Variants in SEMA6A observed in about 807,000 individuals in gnomAD.
SEMA6A encodes semaphorin-6A.
A neutral mutation model predicts 96.8 loss-of-function variants in SEMA6A; 25 were observed. That is an observed-to-expected ratio of 0.26 (90% CI 0.19 to 0.36). SEMA6A has a LOEUF of 0.36. SEMA6A is among the 10% of genes least tolerant of loss of function. SEMA6A has a pLI of 1.00. For synonymous variants in SEMA6A, 612 were observed against 518.0 expected, an observed-to-expected ratio of 1.18 and a Z score of -2.46; for missense variants, 1,363 against 1,323.1, an observed-to-expected ratio of 1.03 and a Z score of -0.47.
chr5:116,462,246 G>C (rs1208454974), intron 18 of SEMA6A, among the ~76,000 whole-genome samples: 1 of 152,150 alleles, frequency 6.6e-6, no homozygotes, highest in Non-Finnish European at 1.5e-5. Context: ...AGATTTCTCA[G>C]TCTGTTAATA....
intron 17 of SEMA6A, chr5:116,468,055 T>C (rs939765322): frequency 6.4e-4 from 216 of 337,424 alleles, no homozygotes; most frequent in Admixed American, 1.1e-3. Context: ...AAGATACCTC[T>C]CGGTGTTGGG....
chr5:116,517,387 A>G (rs1284036331), intron 1 of SEMA6A, among the ~76,000 whole-genome samples: 2 of 152,182 alleles, frequency 1.3e-5, no homozygotes, highest in African/African-American at 2.4e-5. Context: ...CCTTGAGAGT[A>G]AATTCCCAAC....
At chr5:116,526,925 G>A (rs1396123508) in intron 1 of SEMA6A, among the ~76,000 whole-genome samples, 4 of 152,096 alleles carry the variant, frequency 2.6e-5, no homozygotes, top group African/African-American at 9.7e-5. Context: ...ACATTGCTGA[G>A]GGCACAGCTT....
At chr5:116,547,467 G>A (rs894277957) in intron 1 of SEMA6A, among the ~76,000 whole-genome samples, 1 of 152,038 alleles carries the variant, frequency 6.6e-6, no homozygotes, top group African/African-American at 2.4e-5. Context: ...GAAAATAAGT[G>A]GTTCTGACAC....
At chr5:116,495,145 T>C (rs1351960139) in intron 6 of SEMA6A, among the ~76,000 whole-genome samples, 2 of 152,228 alleles carry the variant, frequency 1.3e-5, no homozygotes, top group South Asian at 2.1e-4. Context: ...GTGGTAAGTA[T>C]GTCAGTCTTC....
chr5:116,571,479 C>A (rs1761209400), intron 1 of SEMA6A, among the ~76,000 whole-genome samples: 1 of 152,154 alleles, frequency 6.6e-6, no homozygotes, highest in Non-Finnish European at 1.5e-5. Flanking sequence ...TGAAAAATGA[C>A]TCATAACCAA....
chr5:116,529,977 C>A (rs1309041350), intron 1 of SEMA6A, among the ~76,000 whole-genome samples: 2 of 151,980 alleles, frequency 1.3e-5, no homozygotes, highest in African/African-American at 4.8e-5. Context: ...TGCATGTATA[C>A]CCTCGGAACC....
At chr5:116,461,934 A>C (rs1755431584) in intron 18 of SEMA6A, among the ~76,000 whole-genome samples, 1 of 152,162 alleles carries the variant, frequency 6.6e-6, no homozygotes, top group East Asian at 1.9e-4. Context: ...CACCTCAGAA[A>C]ATGTTTTTGT....
intron 1 of SEMA6A, among the ~76,000 whole-genome samples, chr5:116,538,289 G>GT (rs112574941): frequency 2.0e-4 from 30 of 152,058 alleles, no homozygotes; most frequent in Non-Finnish European, 3.2e-4. Context: ...ATTGGTTTGA[G>GT]TTTTTTTTGC....
chr5:116,451,585 G>T (rs1186800211), intron 18 of SEMA6A, among the ~76,000 whole-genome samples: 2 of 151,946 alleles, frequency 1.3e-5, no homozygotes, highest in African/African-American at 4.8e-5. Context: ...ACATTTTTTC[G>T]GCATTTATAA....
chr5:116,542,452 C>T (rs1760012667), intron 1 of SEMA6A, among the ~76,000 whole-genome samples: 1 of 152,154 alleles, frequency 6.6e-6, no homozygotes, highest in Non-Finnish European at 1.5e-5. Flanking sequence ...TTCTAAAGGA[C>T]CCTCGCTGTC....
At chr5:116,482,254 G>A (rs1004316766) in intron 11 of SEMA6A, among the ~76,000 whole-genome samples, 190 bp downstream of exon 11, 9 of 152,150 alleles carry the variant, frequency 5.9e-5, no homozygotes, top group African/African-American at 1.9e-4. Context: ...TGGAGGTTAA[G>A]CAGAAGACTA....
chr5:116,496,904 C>G (rs1219429469), intron 4 of SEMA6A, among the ~76,000 whole-genome samples: 2 of 152,140 alleles, frequency 1.3e-5, no homozygotes, highest in African/African-American at 4.8e-5. Flanking sequence ...TTATGTCTGT[C>G]TGAAATGGGT....
At chr5:116,511,624 G>T (rs1317011288) in intron 1 of SEMA6A, among the ~76,000 whole-genome samples, 2 of 152,180 alleles carry the variant, frequency 1.3e-5, no homozygotes, top group Non-Finnish European at 2.9e-5. Context: ...AATGGCTTCG[G>T]TGATAAAAAT....
At chr5:116,501,219 C>T (rs936683262) in intron 3 of SEMA6A, among the ~76,000 whole-genome samples, 1 of 152,174 alleles carries the variant, frequency 6.6e-6, no homozygotes, top group Admixed American at 6.5e-5. Flanking sequence ...AATACAACAT[C>T]TCATTTGGCA....
rs147542554 is a variant in SEMA6A at position 116,511,206 on chromosome 5, A to G, written c.-38-6224T>C. Among the ~76,000 whole-genome samples the G allele has an allele frequency of 4.0e-3, 612 of 152,324 alleles. 1 individual carries two copies. Among genetic ancestry groups the G allele is most frequent in the Non-Finnish European group, 6.3e-3 (428 of 68,030 alleles). On this transcript the variant is annotated intron_variant, in intron 1 of 18. Transcript: ENST00000343348. ...ACACATCCTCCTGTATACTTAAATCATCTCTAGATTATTTATAATACATAA... is the reference window on the plus strand; with the variant it reads ...ACACATCCTCCTGTATACTTAAATCGTCTCTAGATTATTTATAATACATAA...
At chr5:116,524,771 TACACACAC>T (rs905399420) in intron 1 of SEMA6A, among the ~76,000 whole-genome samples, 2 of 19,110 alleles carry the variant, frequency 1.0e-4, no homozygotes, top group African/African-American at 2.0e-4. Context: ...TGGGTATGTA[TACACACAC>T]ACACACACAG....
chr5:116,477,656 G>A (rs945661813), intron 15 of SEMA6A, among the ~76,000 whole-genome samples, 190 bp downstream of exon 15: 1 of 152,170 alleles, frequency 6.6e-6, no homozygotes, highest in East Asian at 1.9e-4. Flanking sequence ...TTAATCAATT[G>A]GAAATCTGCC....
intron 3 of SEMA6A, among the ~76,000 whole-genome samples, chr5:116,499,492 T>C (rs1413701557): frequency 2.6e-5 from 4 of 152,284 alleles, no homozygotes; most frequent in African/African-American, 9.6e-5. Flanking sequence ...CCTAGATCTC[T>C]CAGAGCAATG....
Sources: allele counts gnomAD v4.1 joint callset (sites outside exome capture counted in the v4.1 genomes callset), GRCh38; gene constraint gnomAD v4.1.1; transcripts MANE v1.5; gene names NCBI Gene and HGNC (gene_info 2026-07-23, HGNC 2026-07-21).